The following DLG2 variants were observed in gnomAD, a reference collection of about 807,000 sequenced individuals.
The protein encoded by DLG2 is discs large MAGUK scaffold protein 2.
A neutral mutation model predicts 132.5 loss-of-function variants in DLG2; 45 were observed. The ratio of observed to expected loss-of-function variants is 0.34; its 90% CI spans 0.27 to 0.44. The LOEUF (loss-of-function observed/expected upper bound fraction) is 0.44, where lower values mean the gene tolerates loss of function less well. Among genes scored for constraint, DLG2 ranks in the 20% least tolerant of loss-of-function variants. The pLI is 1.00. For missense variants in DLG2, 1,045 were observed against 1,196.9 expected (o/e 0.87, Z 1.87); for synonymous variants, 424 against 419.6 (o/e 1.01, Z -0.13).
At chr11:84,084,500 T>C (rs1043409783) in intron 10 of DLG2, among the ~76,000 whole-genome samples, 91 of 152,238 alleles carry the variant, frequency 6.0e-4, no homozygotes, top group African/African-American at 2.1e-3. Context: ...GATTTTGTTC[T>C]ACTGTTGCCA....
At chr11:84,263,382 T>A (rs920707637) in intron 7 of DLG2, among the ~76,000 whole-genome samples, 1 of 152,070 alleles carries the variant, frequency 6.6e-6, no homozygotes, top group African/African-American at 2.4e-5. Flanking sequence ...TAGAAATTGG[T>A]TTCTAATGAC....
At chr11:83,748,833 T>C (rs1397840864) in intron 18 of DLG2, among the ~76,000 whole-genome samples, 2 of 152,224 alleles carry the variant, frequency 1.3e-5, no homozygotes, top group African/African-American at 4.8e-5. Context: ...TACTACTTTG[T>C]TCCCCTCCAT....
intron 6 of DLG2, among the ~76,000 whole-genome samples, chr11:84,721,741 A>AAACAGAT (rs1410808796): frequency 6.6e-6 from 1 of 152,198 alleles, no homozygotes; most frequent in African/African-American, 2.4e-5. Context: ...CCGAGTTTGG[A>AAACAGAT]AACAGATTCT....
At chr11:83,690,224 A>T (rs1394394990) in intron 18 of DLG2, among the ~76,000 whole-genome samples, 5 of 150,940 alleles carry the variant, frequency 3.3e-5, no homozygotes, top group South Asian at 4.1e-4. Flanking sequence ...GAATACCAAG[A>T]TCTCCTAGAC....
chr11:85,301,580 T>C (rs1277565970), intron 3 of DLG2, among the ~76,000 whole-genome samples: 1 of 152,164 alleles, frequency 6.6e-6, no homozygotes, highest in Admixed American at 6.5e-5. Flanking sequence ...AATCATCTTA[T>C]CAATCTGCTT....
chr11:85,608,738 C>A (rs1318245389), intron 2 of DLG2, among the ~76,000 whole-genome samples: 1 of 152,122 alleles, frequency 6.6e-6, no homozygotes, highest in East Asian at 1.9e-4. Flanking sequence ...GACCCTTTCT[C>A]CCTCTCTGAT....
chr11:83,930,388 A>C lies in DLG2; in HGVS notation c.1436T>G (p.Leu479Arg), dbSNP rs772653394. 6 of 1,614,004 alleles carry C rather than the reference A, an allele frequency of 3.7e-6. No individual in the cohort carries two copies. Among genetic ancestry groups the C allele is most frequent in the African/African-American group, 1.3e-5 (1 of 74,926 alleles). Reference sequence around the variant, plus strand: ...GTAGTGGGAATAGGGAGCTGAGAGGAGGAAGCTTTTGTCACACTCAACAGG... The same window carrying C: ...GTAGTGGGAATAGGGAGCTGAGAGGCGGAAGCTTTTGTCACACTCAACAGG... ...YSPVECDKSF[L>R]LSAPYSHYHL... Residue 479 changes from leucine to arginine, a missense_variant, in exon 15 of 28, where the codon CTC (leucine) becomes CGC (arginine). Around this residue, in one of 4 missense-constraint regions of DLG2, gnomAD observed 261 missense variants for 256.1 expected, o/e 1.02. Transcript: ENST00000376104.
chr11:85,027,183 T>C (rs1341061655), intron 6 of DLG2, among the ~76,000 whole-genome samples: 2 of 145,558 alleles, frequency 1.4e-5, no homozygotes, highest in African/African-American at 5.0e-5. Context: ...CTTTTTTTTT[T>C]TTTTTTTTTT....
intron 4 of DLG2, among the ~76,000 whole-genome samples, chr11:85,195,063 C>T (rs955468155): frequency 6.6e-6 from 1 of 152,146 alleles, no homozygotes; most frequent in Non-Finnish European, 1.5e-5. Context: ...TATTCTCAAG[C>T]TCTGAAGCCC....
intron 6 of DLG2, among the ~76,000 whole-genome samples, chr11:84,601,204 AT>A (rs1265484484): frequency 6.6e-6 from 1 of 151,978 alleles, no homozygotes; most frequent in East Asian, 1.9e-4. Context: ...GTAGTGATAC[AT>A]TTGCCACTGA....
intron 3 of DLG2, among the ~76,000 whole-genome samples, chr11:85,547,639 G>A (rs749477492): frequency 1.3e-5 from 2 of 152,026 alleles, no homozygotes; most frequent in African/African-American, 4.8e-5. Flanking sequence ...TGTAGATTTG[G>A]TCTTTTCACA....
chr11:83,698,104 C>T (rs2082242253), intron 18 of DLG2, among the ~76,000 whole-genome samples: 1 of 152,136 alleles, frequency 6.6e-6, no homozygotes, highest in African/African-American at 2.4e-5. Flanking sequence ...TAAATGAAGA[C>T]TATGATGAAT....
chr11:84,361,776 G>A lies in DLG2; in HGVS notation c.520-110485C>T, dbSNP rs747544434. On this transcript the variant is annotated intron_variant, in intron 7 of 27. Coordinates refer to ENST00000376104, the MANE Select transcript of DLG2 (RefSeq NM_001142699.3). ...AGAGAAATAAAATTGTGCACAAGAG[G>A]TATGTGCAGAGTTAAAAGCATATTA... Among the ~76,000 whole-genome samples, 11 of 151,922 alleles carry A rather than the reference G, an allele frequency of 7.2e-5. 1 individual carries two copies. The highest frequency in any genetic ancestry group is 1.3e-4 in the Non-Finnish European group (9 of 67,910).
intron 2 of DLG2, among the ~76,000 whole-genome samples, chr11:85,609,502 G>A (rs776203651): frequency 1.2e-4 from 18 of 152,076 alleles, no homozygotes; most frequent in Admixed American, 2.0e-4. Context: ...CCAATCACTC[G>A]GTAGGGCTTG....
At chr11:83,896,214 C>T (rs191223275) in intron 15 of DLG2, among the ~76,000 whole-genome samples, 270 of 152,198 alleles carry the variant, frequency 1.8e-3, no homozygotes, top group African/African-American at 2.5e-3. Flanking sequence ...AATATGAAAA[C>T]GACAATAAAT....
At chr11:83,743,434 T>C (rs72954553) in intron 18 of DLG2, among the ~76,000 whole-genome samples, 52 of 97,628 alleles carry the variant, frequency 5.3e-4, no homozygotes, top group African/African-American at 9.2e-4. Context: ...AGGCCATTTT[T>C]TTTTTTTTTT....
intron 17 of DLG2, among the ~76,000 whole-genome samples, chr11:83,815,877 G>A (rs893792925): frequency 6.6e-6 from 1 of 152,118 alleles, no homozygotes; most frequent in Non-Finnish European, 1.5e-5. Flanking sequence ...ATACAAACAA[G>A]TATTCTCTTC....
chr11:83,762,738 G>A (rs534067655), intron 18 of DLG2, among the ~76,000 whole-genome samples: 2 of 152,092 alleles, frequency 1.3e-5, no homozygotes, highest in South Asian at 4.1e-4. Flanking sequence ...ATGCCGCCAC[G>A]CCTGGCTAAT....
intron 6 of DLG2, chr11:85,021,285 C>T (rs982780974): frequency 4.6e-5 from 59 of 1,271,726 alleles, no homozygotes; most frequent in Non-Finnish European, 6.5e-5. Flanking sequence ...GGTGACTGTA[C>T]ATCCTATCAT....
Sources: gnomAD v4.1 joint callset for allele counts (sites outside exome capture counted in the v4.1 genomes callset) on GRCh38, gnomAD v4.1.1 for gene constraint, gnomAD v4.1.1 regional missense constraint, MANE v1.5 for transcripts, NCBI Gene and HGNC (gene_info 2026-07-23, HGNC 2026-07-21) for gene names.